Variants in FBXL3 observed in about 807,000 individuals in gnomAD.
FBXL3 encodes the protein F-box and leucine rich repeat protein 3, also known as F-box/LRR-repeat protein 3.
Under a neutral mutation model 37.9 loss-of-function variants are expected in FBXL3, and 14 were observed. That is an observed-to-expected ratio of 0.37 (90% CI 0.24 to 0.58). The LOEUF is 0.58. Ranked by LOEUF, FBXL3 falls within the 20% of genes least tolerant of loss-of-function variation. The pLI, the probability that FBXL3 is intolerant of heterozygous loss-of-function variation, is 0.74. For synonymous variants in FBXL3, 194 were observed against 180.1 expected, an observed-to-expected ratio of 1.08 and a Z score of -0.62; for missense variants, 327 against 511.1, an observed-to-expected ratio of 0.64 and a Z score of 3.47.
rs540557088 is a variant in FBXL3 at position 77,021,528 on chromosome 13, T to C, written c.333A>G (p.Gln111=). Reference sequence around the variant, plus strand: ...AAAATATTACCTTGAAGCTGACATATTGTAGATGGTTTGAATGTCTTTTAA... The same window carrying C: ...AAAATATTACCTTGAAGCTGACATACTGTAGATGGTTTGAATGTCTTTTAA... ...QIIKRHSNHL[Q]YVSFKVDSSK... The change falls in exon 2 of 5, where the codon CAA becomes CAG. Residue 111 remains glutamine, a synonymous_variant. Coordinates refer to ENST00000355619, the MANE Select transcript of FBXL3 (RefSeq NM_012158.4). 1.3e-5 allele frequency: 21 copies of C among 1,611,538 alleles called. No individual in the cohort carries two copies. The African/African-American group carries it at 1.3e-4, about 10-fold the overall frequency.
intron 4 of FBXL3, chr13:77,009,889 A>G (rs2034517622): frequency 6.6e-6 from 1 of 152,230 alleles, no homozygotes; most frequent in Non-Finnish European, 1.5e-5. Context: ...GAAAGAAAAC[A>G]TGGCACATAT....
chr13:77,021,714 T>C lies in FBXL3; in HGVS notation c.147A>G (p.Lys49=), dbSNP rs2154037749. 1 of 1,613,978 alleles carries C rather than the reference T, an allele frequency of 6.2e-7. No individual in the cohort carries two copies. The highest frequency in any genetic ancestry group is 8.5e-7 in the Non-Finnish European group (1 of 1,180,024). Residue 49 remains lysine (K), a synonymous_variant, in exon 2 of 5, where the codon AAA becomes AAG. Transcript: ENST00000355619. The part of the protein sequence containing the change: ...LLQDIILQVF[K]YLPLLDRAHA... ...GAGCCCGGTCAAGAAGAGGCAAATA[T>C]TTAAATACTTGGAGAATAATGTCCT...
At chr13:77,012,940 A>G (rs2034580660) in intron 4 of FBXL3, 1 of 152,110 alleles carries the variant, frequency 6.6e-6, no homozygotes, top group South Asian at 2.1e-4. Context: ...ATGCCCAGCT[A>G]ATTTTTGTAT....
chr13:77,022,128 G>C (rs2034755796), intron 1 of FBXL3, among the ~76,000 whole-genome samples: 1 of 152,190 alleles, frequency 6.6e-6, no homozygotes, highest in African/African-American at 2.4e-5. Context: ...ACATGGGAGA[G>C]AGTATTATGA....
intron 2 of FBXL3, among the ~76,000 whole-genome samples, chr13:77,019,901 ACTAGATACAC>A (rs1333503812): frequency 6.6e-6 from 1 of 151,992 alleles, no homozygotes; most frequent in Non-Finnish European, 1.5e-5. Context: ...TGAGGGTTAT[ACTAGATACAC>A]CTGAATTGTA....
chr13:77,018,915 C>T (rs1593932301), intron 2 of FBXL3, 193 bp from the exon 3 acceptor site: 1 of 447,616 alleles, frequency 2.2e-6, no homozygotes. Context: ...CACCCTCCAC[C>T]CTCACCTCCA....
chr13:77,022,418 T>C (rs548384638), intron 1 of FBXL3, among the ~76,000 whole-genome samples: 11 of 152,192 alleles, frequency 7.2e-5, no homozygotes, highest in Non-Finnish European at 1.3e-4. Flanking sequence ...CTCCTCCTCC[T>C]GTCAGATCAG....
At chr13:77,022,904 G>C (rs1054078104) in intron 1 of FBXL3, among the ~76,000 whole-genome samples, 1 of 152,146 alleles carries the variant, frequency 6.6e-6, no homozygotes, top group Non-Finnish European at 1.5e-5. Context: ...ATGTGGCTTT[G>C]AGCAAATTAC....
intron 4 of FBXL3, 132 bp from the exon 5 acceptor site, chr13:77,007,920 T>C (rs930212584): frequency 7.9e-6 from 5 of 634,900 alleles, no homozygotes; most frequent in Admixed American, 3.4e-5. Context: ...AAAATGTGCA[T>C]AGTTGAATTA....
chr13:77,023,118 A>C (rs909035412), intron 1 of FBXL3, among the ~76,000 whole-genome samples: 3 of 152,212 alleles, frequency 2.0e-5, no homozygotes, highest in Non-Finnish European at 4.4e-5. Flanking sequence ...CAGAAGGCAG[A>C]GAATGATTCA....
chr13:77,024,269 CTTTAA>C (rs752948516), intron 1 of FBXL3, among the ~76,000 whole-genome samples: 14 of 152,208 alleles, frequency 9.2e-5, no homozygotes, highest in Admixed American at 3.3e-4. Flanking sequence ...TGAAGGCTTA[CTTTAA>C]TTTTAGTATA....
At chr13:77,015,288 T>C (rs907840848) in intron 4 of FBXL3, 121 bp downstream of exon 4, 7 of 611,870 alleles carry the variant, frequency 1.1e-5, no homozygotes, top group African/African-American at 9.6e-5. Flanking sequence ...ACATTAAAAA[T>C]ATTTTAAAGA....
intron 4 of FBXL3, chr13:77,008,807 C>G (rs1412933481): frequency 6.6e-6 from 1 of 152,212 alleles, no homozygotes; most frequent in Non-Finnish European, 1.5e-5. Flanking sequence ...CCCATCTTGG[C>G]CTCCCAAAGT....
chr13:77,026,131 A>G (rs1216981103), intron 1 of FBXL3: 2 of 973,424 alleles, frequency 2.1e-6, no homozygotes, highest in South Asian at 9.5e-5. Context: ...ACTCAACTGG[A>G]TATCATTAGC....
At chr13:77,009,459 C>T (rs868385294) in intron 4 of FBXL3, 4 of 152,282 alleles carry the variant, frequency 2.6e-5, no homozygotes, top group Non-Finnish European at 5.9e-5. Flanking sequence ...TACCAAGTAG[C>T]TGGGGTTACA....
chr13:77,020,346 G>C (rs975194652), intron 2 of FBXL3, among the ~76,000 whole-genome samples: 5 of 152,136 alleles, frequency 3.3e-5, no homozygotes, highest in Non-Finnish European at 7.3e-5. Flanking sequence ...AGTGGCCTAA[G>C]CGCCTTTGTG....
At chr13:77,008,929 G>C (rs192546288) in intron 4 of FBXL3, 7 of 152,200 alleles carry the variant, frequency 4.6e-5, no homozygotes, top group African/African-American at 1.7e-4. Flanking sequence ...TCTTCCTTAT[G>C]TTTAGAAACA....
chr13:77,026,495 G>T, intron 1 of FBXL3: 1 of 507,886 alleles, frequency 2.0e-6, no homozygotes, highest in African/African-American at 2.1e-5. Flanking sequence ...CCTGTCACCA[G>T]CCCCCGCCAA....
At chr13:77,013,720 A>G (rs1424029019) in intron 4 of FBXL3, 1 of 152,164 alleles carries the variant, frequency 6.6e-6, no homozygotes, top group East Asian at 1.9e-4. Flanking sequence ...TTGAGTAATA[A>G]CAAAACTCTA....
Sources: gnomAD v4.1 joint callset for allele counts (sites outside exome capture counted in the v4.1 genomes callset) on GRCh38, gnomAD v4.1.1 for gene constraint, MANE v1.5 for transcripts, NCBI Gene and HGNC (gene_info 2026-07-23, HGNC 2026-07-21) for gene names.